The following UNC13B variants were observed in gnomAD, a reference collection of about 807,000 sequenced individuals.
The protein encoded by UNC13B is protein unc-13 homolog B.
A neutral mutation model predicts 211.0 loss-of-function variants in UNC13B; 144 were observed. That is an observed-to-expected ratio of 0.68 (90% CI 0.60 to 0.78). The LOEUF (loss-of-function observed/expected upper bound fraction) is 0.78. UNC13B is among the 30% of genes least tolerant of loss of function. UNC13B has a pLI of 0.00. For missense variants in UNC13B, 1,777 were observed against 2,002.0 expected, an observed-to-expected ratio of 0.89 and a Z score of 2.14; for synonymous variants, 709 against 725.8, an observed-to-expected ratio of 0.98 and a Z score of 0.37.
At chr9:35,215,357 C>T (rs1564072566) in intron 1 of UNC13B, among the ~76,000 whole-genome samples, 1 of 152,168 alleles carries the variant, frequency 6.6e-6, no homozygotes, top group African/African-American at 2.4e-5. Context: ...CAGCCATGAT[C>T]TCACCACTGT....
At chr9:35,248,792 A>C (rs1466481939) in intron 6 of UNC13B, among the ~76,000 whole-genome samples, 1 of 152,114 alleles carries the variant, frequency 6.6e-6, no homozygotes, top group Non-Finnish European at 1.5e-5. Context: ...GGTCAATTTT[A>C]GAGTAAGTGC....
At chr9:35,285,982 G>A (rs913556476) in intron 7 of UNC13B, among the ~76,000 whole-genome samples, 3 of 152,216 alleles carry the variant, frequency 2.0e-5, no homozygotes, top group East Asian at 1.9e-4. Flanking sequence ...CTATACTCCC[G>A]TATTTCTAGA....
chr9:35,357,274 T>A (rs1384529262), intron 11 of UNC13B, among the ~76,000 whole-genome samples: 1 of 152,162 alleles, frequency 6.6e-6, no homozygotes, highest in African/African-American at 2.4e-5. Flanking sequence ...GCCATCCTAG[T>A]GGATATGAAG....
At chr9:35,336,040 C>T (rs1432396642) in intron 11 of UNC13B, among the ~76,000 whole-genome samples, 1 of 152,062 alleles carries the variant, frequency 6.6e-6, no homozygotes, top group Non-Finnish European at 1.5e-5. Flanking sequence ...TCTTTCTCTG[C>T]TTGCCCCTTA....
intron 1 of UNC13B, among the ~76,000 whole-genome samples, chr9:35,182,028 T>C (rs1358375166): frequency 4.6e-5 from 7 of 152,164 alleles, no homozygotes; most frequent in Admixed American, 4.6e-4. Context: ...ACTGGTTTTG[T>C]TTGTGCAGTG....
chr9:35,224,781 A>C (rs981254230), intron 1 of UNC13B, among the ~76,000 whole-genome samples: 6 of 152,224 alleles, frequency 3.9e-5, no homozygotes, highest in African/African-American at 1.4e-4. Context: ...AAAATCGTCA[A>C]CAAAATACTA....
Position 35,258,998 on chromosome 9 carries a change from T to A in UNC13B, c.474T>A (p.Ser158=), listed in dbSNP as rs1175011427. 6.2e-7 allele frequency: 1 copy of A among 1,613,532 alleles called. No homozygotes were observed. Among genetic ancestry groups the A allele is most frequent in the African/African-American group, 1.3e-5 (1 of 74,938 alleles). Reference sequence around the variant, plus strand: ...TTTCTCCTTTCTGCTTCTAGTATTCTAGTCAAGAAGAAAGCCAGAGGAAGC... The same window carrying A: ...TTTCTCCTTTCTGCTTCTAGTATTCAAGTCAAGAAGAAAGCCAGAGGAAGC... ...INALGADNEY[S]SQEESQRKPL... Residue 158 remains serine, a synonymous_variant, in exon 7 of 40, where the codon TCT becomes TCA. Coordinates refer to ENST00000635942, the MANE Select transcript of UNC13B (RefSeq NM_001371189.2).
chr9:35,254,919 C>A (rs1826736666), intron 6 of UNC13B, among the ~76,000 whole-genome samples: 2 of 78,080 alleles, frequency 2.6e-5, no homozygotes, highest in African/African-American at 4.4e-5. Flanking sequence ...ATATAATATA[C>A]ATATATAATA....
intron 9 of UNC13B, among the ~76,000 whole-genome samples, chr9:35,310,025 C>T (rs1046026188): frequency 1.3e-5 from 2 of 152,076 alleles, no homozygotes; most frequent in African/African-American, 4.8e-5. Context: ...ATGATGACCT[C>T]AATGTAATAA....
intron 1 of UNC13B, among the ~76,000 whole-genome samples, chr9:35,203,781 A>G (rs1411857037): frequency 6.6e-6 from 1 of 152,266 alleles, no homozygotes; most frequent in Non-Finnish European, 1.5e-5. Context: ...GAAGCAGAGC[A>G]TGAAAGTTTG....
In UNC13B at chr9:35,403,876, G is replaced by T. The variant is rs749256872; in HGVS notation, c.12866G>T (p.Gly4289Val). The change falls in exon 40 of 40, where the codon GGC (glycine) becomes GTC (valine). Residue 4289 changes from glycine to valine, a missense_variant. Transcript: ENST00000635942. ...VMPLRDVTAK[G>V]SCACWCPLGR... ...CCTCTGAGGGATGTCACAGCCAAGG[G>T]CAGCTGTGCCTGCTGGTGCCCCTTG... 6.2e-7 allele frequency: 1 copy of T among 1,614,204 alleles called. No homozygotes were observed. Among genetic ancestry groups the T allele is most frequent in the Non-Finnish European group, 8.5e-7 (1 of 1,180,028 alleles).
chr9:35,237,927 C>T lies in UNC13B; in HGVS notation c.394+101C>T, dbSNP rs540124723. 3 of 1,257,010 alleles carry T rather than the reference C, an allele frequency of 2.4e-6. No homozygotes were observed. The African/African-American group carries it at 4.5e-5, about 19-fold the overall frequency. The allele number at this position is 1,257,010 out of a possible 1,614,324, so 77.9% of individuals were successfully genotyped here. A position where few individuals can be genotyped will look rare whatever the true frequency, so the allele number is the denominator to read the frequency against. On this transcript the variant is annotated intron_variant, in intron 5 of 39. Transcript: ENST00000635942. ...TATATTTTGTCACCTCAGCCATCTC[C>T]TTTGAGGATATTTTGTCTTCATTCA...
intron 29 of UNC13B, 78 bp downstream of exon 29, chr9:35,397,388 C>T: frequency 1.3e-6 from 2 of 1,578,648 alleles, no homozygotes; most frequent in Non-Finnish European, 1.7e-6. Context: ...AGCTCAGCAC[C>T]TCTCCACTGT....
At chr9:35,253,358 A>G (rs1826628080) in intron 6 of UNC13B, among the ~76,000 whole-genome samples, 1 of 152,220 alleles carries the variant, frequency 6.6e-6, no homozygotes, top group African/African-American at 2.4e-5. Context: ...CCCAGGCTGG[A>G]CATTCTTTTT....
At chr9:35,178,913 A>C (rs761361446) in intron 1 of UNC13B, among the ~76,000 whole-genome samples, 45 of 151,316 alleles carry the variant, frequency 3.0e-4, no homozygotes, top group African/African-American at 9.9e-4. Context: ...AAAAAAAGAC[A>C]ATGTCTCACC....
chr9:35,338,550 C>T (rs571631651), intron 11 of UNC13B, among the ~76,000 whole-genome samples: 22 of 152,212 alleles, frequency 1.4e-4, no homozygotes, highest in Admixed American at 2.6e-4. Flanking sequence ...CATTCTACAG[C>T]GGGAAAAATG....
At chr9:35,220,050 CTCA>C (rs1481077011) in intron 1 of UNC13B, among the ~76,000 whole-genome samples, 1 of 151,710 alleles carries the variant, frequency 6.6e-6, no homozygotes, top group Non-Finnish European at 1.5e-5. Flanking sequence ...GTATGAATAA[CTCA>C]TCATTACTAG....
chr9:35,271,187 C>T (rs1270377300), intron 7 of UNC13B, among the ~76,000 whole-genome samples: 1 of 151,034 alleles, frequency 6.6e-6, no homozygotes, highest in South Asian at 2.1e-4. Flanking sequence ...TAAATTGCCT[C>T]TGCATCTTTG....
chr9:35,269,659 C>T (rs985162341), intron 7 of UNC13B, among the ~76,000 whole-genome samples: 8 of 152,170 alleles, frequency 5.3e-5, no homozygotes, highest in African/African-American at 1.9e-4. Flanking sequence ...TTAGCATTAA[C>T]TCAGGTATGA....
Sources: allele counts gnomAD v4.1 joint callset (sites outside exome capture counted in the v4.1 genomes callset), GRCh38; gene constraint gnomAD v4.1.1; transcripts MANE v1.5; gene names NCBI Gene and HGNC (gene_info 2026-07-23, HGNC 2026-07-21).